Variants in TMEM43 observed in about 807,000 individuals in gnomAD.
The protein encoded by TMEM43 is arrhythmogenic right ventricular dysplasia 5.
TMEM43 carries 45 observed loss-of-function variants against 49.6 expected under a neutral mutation model. The observed-to-expected ratio is 0.91, with a 90% CI of 0.71 to 1.16. The LOEUF (loss-of-function observed/expected upper bound fraction) is 1.16, where lower values mean the gene tolerates loss of function less well. TMEM43 is among the 50% of genes most tolerant of loss of function. The pLI, the probability that TMEM43 is intolerant of heterozygous loss-of-function variation, is 0.00. For missense variants in TMEM43, 532 were observed against 516.6 expected (o/e 1.03, Z -0.29); for synonymous variants, 199 against 207.8 (o/e 0.96, Z 0.36).
intron 4 of TMEM43, among the ~76,000 whole-genome samples, chr3:14,132,169 G>A (rs1354709566): frequency 6.6e-6 from 1 of 152,160 alleles, no homozygotes; most frequent in African/African-American, 2.4e-5. Context: ...GACTGTGACC[G>A]ACAGGTGGGG....
intron 4 of TMEM43, 24 bp from the exon 5 acceptor site, chr3:14,132,522 G>T (rs751945696): frequency 6.2e-7 from 1 of 1,614,114 alleles, no homozygotes; most frequent in Admixed American, 1.7e-5. Flanking sequence ...GCTAACCCCC[G>T]TGGCTGCTTT....
intron 2 of TMEM43, 125 bp from the exon 3 acceptor site, chr3:14,130,696 CT>C: frequency 7.8e-7 from 1 of 1,278,338 alleles, no homozygotes; most frequent in Non-Finnish European, 1.1e-6. Context: ...AGTTTTCCAA[CT>C]GTACGGTGGG....
chr3:14,141,284 G>A (rs1358807564), intron 11 of TMEM43, among the ~76,000 whole-genome samples: 2 of 152,186 alleles, frequency 1.3e-5, no homozygotes, highest in Non-Finnish European at 1.5e-5. Context: ...ACAGGCAAAT[G>A]TCTTTATACT....
intron 9 of TMEM43, 44 bp from the exon 10 acceptor site, chr3:14,135,763 C>T (rs765470053): frequency 6.4e-7 from 1 of 1,558,330 alleles, no homozygotes. Flanking sequence ...GGGCGTGTCT[C>T]CCGCTGGTCA....
chr3:14,141,367 G>A (rs961909481), intron 11 of TMEM43, among the ~76,000 whole-genome samples: 4 of 152,210 alleles, frequency 2.6e-5, no homozygotes, highest in Non-Finnish European at 5.9e-5. Flanking sequence ...CTGGATCAGG[G>A]TAGAGTGGGT....
rs1347760944 is a variant in TMEM43 at position 14,129,614 on chromosome 3, G to A, written c.162+53G>A. ...GAGTGAGAGTCCCCACCATGTCAGA[G>A]AGCAAAGGCGATGAACCCGGAGGCT... On this transcript the variant is annotated intron_variant, in intron 2 of 11. Transcript: ENST00000306077. 48 of 1,603,748 alleles carry A rather than the reference G, an allele frequency of 3.0e-5. 1 individual carries two copies. The South Asian group carries it at 5.3e-4, about 18-fold the overall frequency.
At position 14,132,671 on chromosome 3, in the gene TMEM43, G is replaced by T. The variant is rs1254693107; in HGVS notation, c.442+76G>T. 19 of 1,549,448 alleles carry T rather than the reference G, an allele frequency of 1.2e-5. 1 individual carries two copies. The Middle Eastern group carries it at 5.1e-4, about 42-fold the overall frequency. ...TGGTGGCTGGACAGCAGGGCTGTTG[G>T]TGGGGCCATGGGAAGGATTCAGCAC... On this transcript the variant is annotated intron_variant, in intron 5 of 11. Transcript: ENST00000306077.
At chr3:14,127,738 A>G (rs1695038413) in intron 1 of TMEM43, among the ~76,000 whole-genome samples, 1 of 152,110 alleles carries the variant, frequency 6.6e-6, no homozygotes, top group Non-Finnish European at 1.5e-5. Flanking sequence ...AATGTTTCCA[A>G]ATGGCATGGA....
intron 1 of TMEM43, chr3:14,129,032 T>C (rs1695056626): frequency 2.2e-6 from 1 of 446,268 alleles, no homozygotes; most frequent in South Asian, 1.6e-5. Flanking sequence ...CAGAAAGGAG[T>C]TGGTGCCCTG....
At chr3:14,138,761 C>T (rs767868299) in intron 10 of TMEM43, among the ~76,000 whole-genome samples, 6 of 152,190 alleles carry the variant, frequency 3.9e-5, no homozygotes, top group Non-Finnish European at 7.3e-5. Flanking sequence ...GCAGCGACAG[C>T]GATGGAGCCT....
At chr3:14,136,437 G>A (rs557426982) in intron 10 of TMEM43, among the ~76,000 whole-genome samples, 3 of 152,330 alleles carry the variant, frequency 2.0e-5, no homozygotes, top group East Asian at 1.9e-4. Context: ...ACAGAAACTC[G>A]TAAGTACTGA....
intron 11 of TMEM43, among the ~76,000 whole-genome samples, chr3:14,141,233 CTCT>C (rs1218063143): frequency 6.6e-6 from 1 of 152,214 alleles, no homozygotes; most frequent in African/African-American, 2.4e-5. Flanking sequence ...CACCCACAGC[CTCT>C]TGTATGAGTG....
chr3:14,132,021 C>T (rs1228944283), intron 4 of TMEM43, among the ~76,000 whole-genome samples: 1 of 151,622 alleles, frequency 6.6e-6, no homozygotes, highest in Non-Finnish European at 1.5e-5. Context: ...GTTCAGCCTT[C>T]CCATCAGCTG....
Position 14,133,742 on chromosome 3 carries a change from C to T in TMEM43, c.516C>T (p.Ala172=), listed in dbSNP as rs148432515. ...DREIGHKNPS[A]MAVESFMATA... ...GACAGCTTCCTCTCTCCCACAGTGC[C>T]ATGGCAGTGGAGTCATTCATGGCAA... The change falls in exon 7 of 12, where the codon GCC becomes GCT. Residue 172 remains alanine (A), a synonymous_variant. Coordinates refer to ENST00000306077, the MANE Select transcript of TMEM43 (RefSeq NM_024334.3). 7.6e-5 allele frequency: 122 copies of T among 1,614,150 alleles called. 1 individual carries two copies. In the African/African-American group the frequency reaches 1.5e-3, roughly 20 times the overall value.
rs1423017448 is a variant in TMEM43 at position 14,125,153 on chromosome 3, G to C, written c.-41G>C. 5.0e-6 allele frequency: 8 copies of C among 1,608,670 alleles called. No homozygotes were observed. The East Asian group carries it at 1.6e-4, about 31-fold the overall frequency. Reference sequence around the variant, plus strand: ...GCTCCAGTCGTCAGCCCACTTCCTAGCTGAACAGCGCGAGGCGGCGGCAGC... The same window carrying C: ...GCTCCAGTCGTCAGCCCACTTCCTACCTGAACAGCGCGAGGCGGCGGCAGC... On this transcript the variant is annotated 5_prime_UTR_variant, in exon 1 of 12. Transcript: ENST00000306077.
Position 14,134,811 on chromosome 3 carries a change from T to G in TMEM43, c.625T>G (p.Ser209Ala), listed in dbSNP as rs397517386. The stretch of plus-strand genomic sequence containing the variant: ...CGACAACTTCAAGTCCCTGAGCCTA[T>G]CCAAGCTGGAGGACCCTCATGTGGA... ...KVDNFKSLSL[S>A]KLEDPHVDII... Residue 209 changes from serine to alanine, a missense_variant, in exon 8 of 12, where the codon TCC becomes GCC. Coordinates refer to ENST00000306077, the MANE Select transcript of TMEM43 (RefSeq NM_024334.3). 13 of 1,614,052 alleles carry G rather than the reference T, an allele frequency of 8.1e-6. No individual in the cohort carries two copies. The highest frequency in any genetic ancestry group is 3.3e-5 in the Admixed American group (2 of 60,010).
intron 11 of TMEM43, among the ~76,000 whole-genome samples, chr3:14,140,366 G>A (rs1176438719): frequency 6.6e-6 from 1 of 152,142 alleles, no homozygotes; most frequent in Non-Finnish European, 1.5e-5. Context: ...TCTGATGTCT[G>A]TGATCCCAAT....
chr3:14,139,546 G>C (rs562006597), intron 11 of TMEM43, among the ~76,000 whole-genome samples: 12 of 152,340 alleles, frequency 7.9e-5, no homozygotes, highest in African/African-American at 2.9e-4. Context: ...TCACTCCACA[G>C]CCTGAAGGTT....
chr3:14,133,832 G>A (rs753739692), intron 7 of TMEM43, 23 bp downstream of exon 7: 7 of 1,611,874 alleles, frequency 4.3e-6, no homozygotes, highest in Admixed American at 3.3e-5. Flanking sequence ...CCTCTCCAGA[G>A]GAGCTCGTGC....
Sources: allele counts gnomAD v4.1 joint callset (sites outside exome capture counted in the v4.1 genomes callset), GRCh38; gene constraint gnomAD v4.1.1; transcripts MANE v1.5; gene names NCBI Gene and HGNC (gene_info 2026-07-23, HGNC 2026-07-21).